NRG1: variants seen among roughly 807,000 people sequenced by gnomAD.
The protein encoded by NRG1 is pro-neuregulin-1, membrane-bound isoform.
Under a neutral mutation model 63.8 loss-of-function variants are expected in NRG1, and 18 were observed. The observed-to-expected ratio is 0.28, with a 90% CI of 0.19 to 0.42. The LOEUF (loss-of-function observed/expected upper bound fraction) is 0.42, where lower values mean the gene tolerates loss of function less well. Ranked by LOEUF, NRG1 falls within the 10% of genes least tolerant of loss-of-function variation. NRG1 has a pLI of 1.00. For missense variants in NRG1, 762 were observed against 814.7 expected (o/e 0.94, Z 0.79); for synonymous variants, 302 against 301.3 (o/e 1.00, Z -0.02).
At chr8:31,990,009 G>T (rs2129632373) in intron 1 of NRG1, among the ~76,000 whole-genome samples, 1 of 152,160 alleles carries the variant, frequency 6.6e-6, no homozygotes, top group South Asian at 2.1e-4. Flanking sequence ...GCTTTGATTT[G>T]TTTTTCATTC....
chr8:32,518,057 A>G (rs577949192), intron 1 of NRG1, among the ~76,000 whole-genome samples: 1 of 152,278 alleles, frequency 6.6e-6, no homozygotes, highest in East Asian at 1.9e-4. Flanking sequence ...TAAAAAAAAT[A>G]GAACCACCAC....
intron 1 of NRG1, among the ~76,000 whole-genome samples, chr8:32,269,525 A>G (rs1851332405): frequency 6.6e-6 from 1 of 152,124 alleles, no homozygotes; most frequent in South Asian, 2.1e-4. Context: ...TAGAGCTTCC[A>G]GGTCCATGGG....
intron 1 of NRG1, among the ~76,000 whole-genome samples, chr8:32,107,856 T>C (rs1476215961): frequency 6.6e-6 from 1 of 152,162 alleles, no homozygotes; most frequent in Admixed American, 6.5e-5. Flanking sequence ...TTTTGAAATA[T>C]GTATAAGTGC....
chr8:31,965,501 G>A (rs1303643337), intron 1 of NRG1, among the ~76,000 whole-genome samples: 1 of 152,154 alleles, frequency 6.6e-6, no homozygotes, highest in African/African-American at 2.4e-5. Flanking sequence ...GGGATTACAG[G>A]TGTGAGCCAC....
intron 1 of NRG1, among the ~76,000 whole-genome samples, chr8:31,812,331 G>A (rs973120789): frequency 2.0e-5 from 3 of 152,238 alleles, no homozygotes; most frequent in Non-Finnish European, 4.4e-5. Flanking sequence ...TCTGATTTAC[G>A]AAGTATAGGA....
intron 8 of NRG1, among the ~76,000 whole-genome samples, chr8:32,755,748 C>T (rs1349041664): frequency 6.9e-6 from 1 of 145,134 alleles, no homozygotes; most frequent in Admixed American, 6.7e-5. Context: ...TTCTACAGCA[C>T]ATTTTTTTTT....
At chr8:32,707,703 C>T (rs529934887) in intron 5 of NRG1, among the ~76,000 whole-genome samples, 1 of 139,946 alleles carries the variant, frequency 7.1e-6, no homozygotes, top group African/African-American at 2.6e-5. Context: ...AAAAATATAT[C>T]TAATTGGTTT....
chr8:32,390,060 C>T (rs761979017), intron 1 of NRG1, among the ~76,000 whole-genome samples: 3 of 152,062 alleles, frequency 2.0e-5, no homozygotes, highest in Non-Finnish European at 4.4e-5. Context: ...ACACCCAGCT[C>T]TTTCAGTCTT....
At chr8:32,629,298 C>A (rs1234197568) in intron 5 of NRG1, among the ~76,000 whole-genome samples, 1 of 152,178 alleles carries the variant, frequency 6.6e-6, no homozygotes, top group Admixed American at 6.5e-5. Flanking sequence ...TTGCTTGAAC[C>A]ACAGTCTTGC....
rs1330180682 is a variant in NRG1 at position 31,640,025 on chromosome 8, G to A, written c.37+594G>A. On this transcript the variant is annotated intron_variant, in intron 1 of 10. Coordinates refer to the NRG1 transcript ENST00000519301. This position sits in a 1 kb window ranked among gnomAD's most constrained non-coding sequence, Gnocchi z 6.3. The stretch of plus-strand genomic sequence containing the variant: ...GCCCCGCGCCGCTCCGGGCGTCCCG[G>A]CCCCCGGGCCCAGCGCCCCGGCTCC... 4.4e-6 allele frequency: 5 copies of A among 1,137,312 alleles called. No individual in the cohort carries two copies. Among genetic ancestry groups the A allele is most frequent in the Non-Finnish European group, 5.4e-6 (5 of 929,410 alleles). 70.5% of individuals were successfully genotyped at this position (1,137,312 alleles called of 1,614,324 possible). A position where few individuals can be genotyped will look rare whatever the true frequency, so the allele number is the denominator to read the frequency against.
At chr8:31,786,526 A>G (rs34810521) in intron 1 of NRG1, among the ~76,000 whole-genome samples, 5,698 of 152,198 alleles carry the variant, frequency 0.037, 190 homozygotes, top group Admixed American at 0.1. Flanking sequence ...CTCAGTCCCT[A>G]AGACTGTTTC....
chr8:32,172,436 C>T (rs943670885), intron 1 of NRG1, among the ~76,000 whole-genome samples: 10 of 152,316 alleles, frequency 6.6e-5, no homozygotes, highest in South Asian at 2.1e-4. Context: ...AAAATCAGAA[C>T]GCCTCTCCTC....
intron 1 of NRG1, among the ~76,000 whole-genome samples, chr8:32,072,812 A>G (rs577491761): frequency 6.6e-6 from 1 of 152,128 alleles, no homozygotes; most frequent in Non-Finnish European, 1.5e-5. Flanking sequence ...TACTGTTGAC[A>G]ATAATGGCAC....
intron 1 of NRG1, among the ~76,000 whole-genome samples, chr8:32,534,711 G>T (rs772244908): frequency 3.3e-5 from 5 of 152,078 alleles, no homozygotes; most frequent in South Asian, 4.1e-4. Context: ...ATGTCTGATT[G>T]TAACAGTTTA....
At chr8:31,823,524 T>C (rs766248239) in intron 1 of NRG1, among the ~76,000 whole-genome samples, 3 of 152,202 alleles carry the variant, frequency 2.0e-5, no homozygotes, top group Non-Finnish European at 4.4e-5. Flanking sequence ...ATTAGTTTCA[T>C]GGCGTATTTA....
intron 1 of NRG1, among the ~76,000 whole-genome samples, chr8:31,958,793 GT>G (rs1343714837): frequency 2.6e-5 from 4 of 152,160 alleles, no homozygotes; most frequent in Non-Finnish European, 5.9e-5. Flanking sequence ...ATACAATCAA[GT>G]TTTTATTCAA....
chr8:32,375,172 C>T (rs56772392), intron 1 of NRG1, among the ~76,000 whole-genome samples: 25,338 of 151,658 alleles, frequency 0.17, 2,207 homozygotes, highest in South Asian at 0.18. Context: ...AGAGATGAGG[C>T]CTTCTACATT....
At chr8:32,171,782 G>A (rs1421174148) in intron 1 of NRG1, among the ~76,000 whole-genome samples, 1 of 152,104 alleles carries the variant, frequency 6.6e-6, no homozygotes, top group Non-Finnish European at 1.5e-5. Flanking sequence ...ACTGCCAGGC[G>A]GCAGTGAGGC....
At chr8:31,689,783 A>T (rs574785406) in intron 1 of NRG1, among the ~76,000 whole-genome samples, 1 of 152,210 alleles carries the variant, frequency 6.6e-6, no homozygotes, top group Non-Finnish European at 1.5e-5. Flanking sequence ...CACTTCTTTA[A>T]TGGAGGAAAG....
Sources: gnomAD v4.1 joint callset for allele counts (sites outside exome capture counted in the v4.1 genomes callset) on GRCh38, gnomAD v4.1.1 for gene constraint, Gnocchi (gnomAD v3.1) non-coding constraint, MANE v1.5 for transcripts, NCBI Gene and HGNC (gene_info 2026-07-23, HGNC 2026-07-21) for gene names.